HS3ST5: variants seen among roughly 807,000 people sequenced by gnomAD.
HS3ST5 encodes the protein heparan sulfate glucosamine 3-O-sulfotransferase 5.
HS3ST5 carries 10 observed loss-of-function variants against 25.4 expected under a neutral mutation model. The observed-to-expected ratio is 0.39, with a 90% CI of 0.24 to 0.67. HS3ST5 has a LOEUF of 0.67. Among genes scored for constraint, HS3ST5 ranks in the 30% least tolerant of loss-of-function variants. The pLI, the probability that HS3ST5 is intolerant of heterozygous loss-of-function variation, is 0.44. For synonymous variants in HS3ST5, 170 were observed against 162.4 expected, an observed-to-expected ratio of 1.05 and a Z score of -0.36; for missense variants, 324 against 420.7, an observed-to-expected ratio of 0.77 and a Z score of 2.01.
intron 3 of HS3ST5, among the ~76,000 whole-genome samples, chr6:114,122,393 C>T (rs1456834911): frequency 6.6e-6 from 1 of 152,142 alleles, no homozygotes; most frequent in East Asian, 1.9e-4. Flanking sequence ...GTGTGAATAA[C>T]ATAAACTCTA....
At chr6:114,179,178 G>GT (rs950821863) in intron 2 of HS3ST5, 24 of 152,086 alleles carry the variant, frequency 1.6e-4, no homozygotes, top group Admixed American at 3.9e-4. Flanking sequence ...AAACAGTTTT[G>GT]TTTTTCTGTT....
At chr6:114,183,375 A>G (rs1423954272) in intron 2 of HS3ST5, among the ~76,000 whole-genome samples, 1 of 152,060 alleles carries the variant, frequency 6.6e-6, no homozygotes, top group Non-Finnish European at 1.5e-5. Context: ...CTGCCATGTG[A>G]GATGTGCCTT....
chr6:114,186,991 T>C (rs760671585), intron 2 of HS3ST5, among the ~76,000 whole-genome samples: 59 of 152,218 alleles, frequency 3.9e-4, no homozygotes, highest in Non-Finnish European at 5.6e-4. Context: ...TTTATAGCAT[T>C]GTTCACTAAG....
intron 2 of HS3ST5, among the ~76,000 whole-genome samples, chr6:114,171,940 CA>C (rs1658838634): frequency 6.6e-6 from 1 of 152,154 alleles, no homozygotes; most frequent in African/African-American, 2.4e-5. Context: ...TCCTTTTATA[CA>C]AATATTAATA....
intron 1 of HS3ST5, among the ~76,000 whole-genome samples, chr6:114,262,870 T>C (rs757255115): frequency 2.6e-5 from 4 of 152,164 alleles, no homozygotes; most frequent in Non-Finnish European, 5.9e-5. Context: ...CTTTCTCCTT[T>C]GGAAATATAT....
intron 2 of HS3ST5, among the ~76,000 whole-genome samples, chr6:114,212,808 G>A (rs558091193): frequency 1.2e-4 from 19 of 152,168 alleles, no homozygotes; most frequent in Non-Finnish European, 1.9e-4. Context: ...CCCTTCAAGG[G>A]ACTCGAGAAA....
At chr6:114,301,660 A>G (rs1243191969) in intron 1 of HS3ST5, among the ~76,000 whole-genome samples, 2 of 152,242 alleles carry the variant, frequency 1.3e-5, no homozygotes, top group East Asian at 3.9e-4. Context: ...CCTGGGGCTG[A>G]ATCCTTGACC....
intron 1 of HS3ST5, among the ~76,000 whole-genome samples, chr6:114,330,091 C>T (rs573312405): frequency 6.6e-6 from 1 of 152,202 alleles, no homozygotes; most frequent in East Asian, 1.9e-4. Context: ...TAAATTCTCA[C>T]TTCCTTTGCT....
intron 2 of HS3ST5, among the ~76,000 whole-genome samples, chr6:114,212,011 A>G (rs1305147291): frequency 2.0e-5 from 3 of 152,250 alleles, no homozygotes; most frequent in African/African-American, 7.2e-5. Context: ...AGAACTGGCA[A>G]CCAGAGTCCA....
intron 1 of HS3ST5, among the ~76,000 whole-genome samples, chr6:114,299,028 C>A (rs910944317): frequency 6.6e-6 from 1 of 152,122 alleles, no homozygotes; most frequent in African/African-American, 2.4e-5. Context: ...AAATTCTGAC[C>A]GCTGGTGAGC....
intron 3 of HS3ST5, among the ~76,000 whole-genome samples, chr6:114,148,343 G>A (rs1001422370): frequency 6.6e-6 from 1 of 152,174 alleles, no homozygotes; most frequent in African/African-American, 2.4e-5. Context: ...AAGAGGCCAG[G>A]CACAGTGGCT....
intron 1 of HS3ST5, among the ~76,000 whole-genome samples, chr6:114,252,395 C>A (rs1300132083): frequency 6.6e-6 from 1 of 152,134 alleles, no homozygotes; most frequent in African/African-American, 2.4e-5. Flanking sequence ...AAAAGAGAAG[C>A]TATACATTGG....
intron 1 of HS3ST5, among the ~76,000 whole-genome samples, chr6:114,256,529 T>G (rs890756963): frequency 6.6e-6 from 1 of 152,100 alleles, no homozygotes; most frequent in African/African-American, 2.4e-5. Context: ...GTTCCACACA[T>G]CTCTAGGGCA....
At chr6:114,296,049 T>A (rs1196008244) in intron 1 of HS3ST5, among the ~76,000 whole-genome samples, 1 of 152,316 alleles carries the variant, frequency 6.6e-6, no homozygotes, top group East Asian at 1.9e-4. Context: ...TATCTCTCAA[T>A]GTAATGGCTG....
chr6:114,257,714 G>A (rs532730341), intron 1 of HS3ST5, among the ~76,000 whole-genome samples: 2 of 152,020 alleles, frequency 1.3e-5, no homozygotes, highest in South Asian at 4.2e-4. Flanking sequence ...TATATGTCAC[G>A]TATATTAGTT....
chr6:114,218,972 C>T (rs1220604242), intron 2 of HS3ST5, among the ~76,000 whole-genome samples: 2 of 152,226 alleles, frequency 1.3e-5, no homozygotes, highest in South Asian at 2.1e-4. Context: ...ACTTTACTTC[C>T]CAAATTAGAT....
At chr6:114,115,772 T>C (rs116439637) in intron 3 of HS3ST5, among the ~76,000 whole-genome samples, 2,629 of 152,156 alleles carry the variant, frequency 0.017, 82 homozygotes, top group African/African-American at 0.059. Flanking sequence ...TGATTGACGG[T>C]GGTAAATGAC....
chr6:114,076,863 G>T (rs1407617370), intron 3 of HS3ST5, among the ~76,000 whole-genome samples: 2 of 152,218 alleles, frequency 1.3e-5, no homozygotes, highest in African/African-American at 4.8e-5. Flanking sequence ...TAAGCAGAAA[G>T]TGTATCAGTC....
intron 3 of HS3ST5, among the ~76,000 whole-genome samples, chr6:114,076,933 C>T (rs1460265615): frequency 6.6e-6 from 1 of 152,086 alleles, no homozygotes; most frequent in Non-Finnish European, 1.5e-5. Context: ...TTTGTTTCTT[C>T]AGTTAACCAT....
Sources: allele counts gnomAD v4.1 joint callset (sites outside exome capture counted in the v4.1 genomes callset), GRCh38; gene constraint gnomAD v4.1.1; transcripts MANE v1.5; gene names NCBI Gene and HGNC (gene_info 2026-07-23, HGNC 2026-07-21).